Variants in FHOD3 observed in about 807,000 individuals in gnomAD.
FHOD3 encodes the protein formin homology 2 domain containing 3, also known as FH1/FH2 domain-containing protein 3.
Under a neutral mutation model 173.0 loss-of-function variants are expected in FHOD3, and 90 were observed. That is an observed-to-expected ratio of 0.52 (90% CI 0.44 to 0.62). The LOEUF (loss-of-function observed/expected upper bound fraction) is 0.62. FHOD3 is among the 20% of genes least tolerant of loss of function. The probability of loss-of-function intolerance (pLI) is 0.00; values close to 1 mark genes in which losing one functional copy is unlikely to be tolerated. For missense variants in FHOD3, 1,945 were observed against 2,034.7 expected, an observed-to-expected ratio of 0.96 and a Z score of 0.85; for synonymous variants, 828 against 823.0, an observed-to-expected ratio of 1.01 and a Z score of -0.10.
chr18:36,309,408 G>A (rs754384510), intron 1 of FHOD3, among the ~76,000 whole-genome samples: 90 of 152,324 alleles, frequency 5.9e-4, no homozygotes, highest in Non-Finnish European at 9.7e-4. Flanking sequence ...GAGTCCAACT[G>A]CCCTTCTTGC....
chr18:36,658,167 C>G lies in FHOD3; in HGVS notation c.1814C>G (p.Pro605Arg), dbSNP rs144334799. Residue 605 changes from proline (P) to arginine (R), a missense_variant, in exon 14 of 29, where the codon CCA (proline) becomes CGA (arginine). By Grantham distance (103) the Pro-to-Arg change is moderately radical. Coordinates refer to ENST00000590592, the MANE Select transcript of FHOD3 (RefSeq NM_001281740.3). The stretch of plus-strand genomic sequence containing the variant: ...ACCCCCACATCATCCGTCTCACCCC[C>G]ACAGGAGGCCAGGTTGGAAAGGTGA... ...PTTPTSSVSP[P>R]QEARLERSSP... 4.2e-4 allele frequency: 669 copies of G among 1,587,066 alleles called. 2 individuals carry two copies. Among genetic ancestry groups the G allele is most frequent in the Admixed American group, 8.3e-4 (45 of 54,408 alleles).
intron 3 of FHOD3, among the ~76,000 whole-genome samples, chr18:36,402,731 A>C (rs1020549519): frequency 2.6e-5 from 4 of 152,170 alleles, no homozygotes; most frequent in Non-Finnish European, 5.9e-5. Flanking sequence ...TATGTCACAA[A>C]AGGCTTTGTG....
At chr18:36,365,217 A>C (rs1447078510) in intron 2 of FHOD3, among the ~76,000 whole-genome samples, 1 of 152,222 alleles carries the variant, frequency 6.6e-6, no homozygotes, top group Non-Finnish European at 1.5e-5. Context: ...TGTGCTTTCC[A>C]TGTCTTAGAT....
rs1486151162 is a variant in FHOD3 at position 36,652,697 on chromosome 18, A to G, written c.1414A>G (p.Thr472Ala). ...GCTTCTGGTTGGCACTGCAGGCGGG[A>G]CCACCTGGCACAGTGGGTCCTCTGG... The part of the protein sequence containing the change: ...KPLLVGTAGG[T>A]TWHSGSSGSE... The change falls in exon 12 of 29, where the codon ACC (threonine) becomes GCC (alanine). Residue 472 changes from threonine (T) to alanine (A), a missense_variant. Transcript: ENST00000590592. 1 of 1,535,560 alleles carries G rather than the reference A, an allele frequency of 6.5e-7. No homozygotes were observed. The highest frequency in any genetic ancestry group is 8.7e-7 in the Non-Finnish European group (1 of 1,146,634).
chr18:36,466,089 T>C (rs1043392976), intron 3 of FHOD3, among the ~76,000 whole-genome samples: 6 of 152,160 alleles, frequency 3.9e-5, no homozygotes, highest in African/African-American at 1.2e-4. Context: ...CTGACATTAC[T>C]GAATAAATAA....
intron 5 of FHOD3, among the ~76,000 whole-genome samples, chr18:36,531,791 A>G (rs1466830450): frequency 1.3e-5 from 2 of 152,134 alleles, no homozygotes; most frequent in Non-Finnish European, 2.9e-5. Context: ...CGCTGTCTAC[A>G]GCCTGCGGTC....
At position 36,681,545 on chromosome 18, in the gene FHOD3, G is replaced by C. The variant is rs2038237645; in HGVS notation, c.1945G>C (p.Glu649Gln). The C allele has an allele frequency of 6.2e-7, 1 of 1,613,826 alleles. No individual in the cohort carries two copies. Among genetic ancestry groups the C allele is most frequent in the Non-Finnish European group, 8.5e-7 (1 of 1,179,858 alleles). Reference sequence around the variant, plus strand: ...GAGAGAAGAAAGGTTGCAGAGAATAGAGCGGGAAGAAAGAAACAAATTCAG... The same window carrying C: ...GAGAGAAGAAAGGTTGCAGAGAATACAGCGGGAAGAAAGAAACAAATTCAG... ...QEREERLQRI[E>Q]REERNKFSRD... The change falls in exon 15 of 29, where the codon GAG becomes CAG. Residue 649 changes from glutamate to glutamine, a missense_variant. Glu to Gln is a conservative substitution (Grantham distance 29, BLOSUM62 2). Around this residue, in one of 5 missense-constraint regions of FHOD3, gnomAD observed 1,099 missense variants for 1,051.2 expected, o/e 1.05. Transcript: ENST00000590592.
At chr18:36,459,873 C>T (rs2052446685) in intron 3 of FHOD3, among the ~76,000 whole-genome samples, 1 of 152,198 alleles carries the variant, frequency 6.6e-6, no homozygotes, top group South Asian at 2.1e-4. Flanking sequence ...ATGCCCTTTT[C>T]CTCTTCCAGG....
chr18:36,518,368 C>T (rs1399496779), intron 5 of FHOD3, among the ~76,000 whole-genome samples: 2 of 152,138 alleles, frequency 1.3e-5, no homozygotes, highest in East Asian at 1.9e-4. Flanking sequence ...TGGGTCTGGA[C>T]TTCAGAGATT....
chr18:36,359,350 A>G (rs1472635039), intron 2 of FHOD3, among the ~76,000 whole-genome samples: 2 of 152,206 alleles, frequency 1.3e-5, no homozygotes, highest in African/African-American at 4.8e-5. Flanking sequence ...AGCTAGTCAG[A>G]GAAGAGGAGA....
intron 3 of FHOD3, among the ~76,000 whole-genome samples, chr18:36,377,701 C>G (rs1598893055): frequency 6.6e-6 from 1 of 152,296 alleles, no homozygotes; most frequent in African/African-American, 2.4e-5. Context: ...CACACAGATG[C>G]AGCTGGCCCT....
At chr18:36,580,042 G>A (rs771995665) in intron 6 of FHOD3, among the ~76,000 whole-genome samples, 55 of 151,860 alleles carry the variant, frequency 3.6e-4, no homozygotes, top group Non-Finnish European at 6.3e-4. Flanking sequence ...CATTCTGTAA[G>A]GAAAATAAAC....
rs1183084675 is a variant in FHOD3, at chr18:36,649,366, AAGAG to A, written c.1254_1257del (p.Glu419MetfsTer87). On this transcript the variant is annotated frameshift_variant, in exon 11 of 29. Coordinates refer to ENST00000590592, the MANE Select transcript of FHOD3 (RefSeq NM_001281740.3). LOFTEE classifies it high-confidence loss of function. ...CCAATCACGGAGCCCAGTTCCGAAG[AAGAG>A]AGAGAGGATGATGCTTCCTGTCAGG... 1 of 1,535,710 alleles carries A rather than the reference AAGAG, an allele frequency of 6.5e-7. No individual in the cohort carries two copies. Among genetic ancestry groups the A allele is most frequent in the Non-Finnish European group, 8.7e-7 (1 of 1,146,730 alleles).
chr18:36,339,179 G>A (rs2045969927), intron 1 of FHOD3, among the ~76,000 whole-genome samples: 1 of 152,136 alleles, frequency 6.6e-6, no homozygotes, highest in African/African-American at 2.4e-5. Context: ...GTATGTTCCA[G>A]GAATCTGCAC....
intron 18 of FHOD3, among the ~76,000 whole-genome samples, chr18:36,716,440 G>A (rs2040454518): frequency 6.6e-6 from 1 of 152,272 alleles, no homozygotes; most frequent in South Asian, 2.1e-4. Flanking sequence ...TGCCGTAGCT[G>A]AGACAGCAAA....
At chr18:36,476,051 T>C (rs1461612236) in intron 3 of FHOD3, among the ~76,000 whole-genome samples, 1 of 152,206 alleles carries the variant, frequency 6.6e-6, no homozygotes, top group Non-Finnish European at 1.5e-5. Flanking sequence ...GTGATTATTA[T>C]TATATTGAAT....
intron 2 of FHOD3, among the ~76,000 whole-genome samples, chr18:36,371,741 A>G (rs2047200258): frequency 6.6e-6 from 1 of 152,110 alleles, no homozygotes. Context: ...CCTTCTCTCC[A>G]ACACAACCAC....
chr18:36,668,910 A>G (rs921011666), intron 14 of FHOD3, among the ~76,000 whole-genome samples: 3 of 151,970 alleles, frequency 2.0e-5, no homozygotes, highest in African/African-American at 7.2e-5. Flanking sequence ...AATAGGATCA[A>G]CTGTGGCAAA....
At chr18:36,322,829 C>T (rs146030774) in intron 1 of FHOD3, among the ~76,000 whole-genome samples, 350 of 152,264 alleles carry the variant, frequency 2.3e-3, no homozygotes, top group Non-Finnish European at 2.4e-3. Flanking sequence ...GGGTCATCCT[C>T]GTCTTAACAG....
Sources: gnomAD v4.1 joint callset for allele counts (sites outside exome capture counted in the v4.1 genomes callset) on GRCh38, gnomAD v4.1.1 for gene constraint, gnomAD v4.1.1 regional missense constraint, MANE v1.5 for transcripts, NCBI Gene and HGNC (gene_info 2026-07-23, HGNC 2026-07-21) for gene names.